ZNF420: variants seen among roughly 807,000 people sequenced by gnomAD.
ZNF420 encodes the protein ATM and p53-associated KZNF protein.
ZNF420 carries 31 observed loss-of-function variants against 44.7 expected under a neutral mutation model. The ratio of observed to expected loss-of-function variants is 0.69; its 90% CI spans 0.52 to 0.94. The LOEUF (loss-of-function observed/expected upper bound fraction) is 0.94, where lower values mean the gene tolerates loss of function less well. ZNF420 is among the 40% of genes least tolerant of loss of function. ZNF420 has a pLI of 0.00. For missense variants in ZNF420, 681 were observed against 827.9 expected (o/e 0.82, Z 2.18); for synonymous variants, 245 against 267.4 (o/e 0.92, Z 0.82).
intron 1 of ZNF420, among the ~76,000 whole-genome samples, chr19:37,051,180 C>A (rs1393898867): frequency 6.6e-6 from 1 of 152,074 alleles, no homozygotes; most frequent in African/African-American, 2.4e-5. Context: ...GTCTAAAATT[C>A]TCTTTTTTGT....
intron 1 of ZNF420, among the ~76,000 whole-genome samples, chr19:37,057,119 C>A (rs1299260303): frequency 1.3e-5 from 2 of 152,210 alleles, no homozygotes; most frequent in Non-Finnish European, 2.9e-5. Flanking sequence ...GGTGTCGGGG[C>A]TTTGAGGCTC....
At chr19:37,018,273 T>C (rs549919103) in intron 1 of ZNF420, among the ~76,000 whole-genome samples, 2 of 152,346 alleles carry the variant, frequency 1.3e-5, no homozygotes, top group South Asian at 4.1e-4. Flanking sequence ...TCTAATGACA[T>C]TTTTTGTATA....
intron 4 of ZNF420, among the ~76,000 whole-genome samples, chr19:37,096,394 C>CT (rs1969457513): frequency 6.6e-6 from 1 of 152,122 alleles, no homozygotes; most frequent in South Asian, 2.1e-4. Flanking sequence ...ATCCATAGCA[C>CT]TTTTTTTCTC....
intron 1 of ZNF420, among the ~76,000 whole-genome samples, chr19:37,009,090 C>T (rs958803490): frequency 5.3e-5 from 8 of 152,134 alleles, no homozygotes. Flanking sequence ...TCAAGAGAGG[C>T]GGTGTCACAT....
chr19:37,102,059 G>A (rs758656277), intron 4 of ZNF420, among the ~76,000 whole-genome samples: 2 of 152,098 alleles, frequency 1.3e-5, no homozygotes, highest in Non-Finnish European at 2.9e-5. Flanking sequence ...AGGCTTCCAT[G>A]CACAGATGGA....
At chr19:37,116,368 C>CAAAAAAAAAAAAAAAAAAAA (rs57611154) in intron 4 of ZNF420, among the ~76,000 whole-genome samples, 1 of 75,900 alleles carries the variant, frequency 1.3e-5, no homozygotes, top group Non-Finnish European at 2.9e-5. Flanking sequence ...GACTCCACCT[C>CAAAAAAAAAAAAAAAAAAAA]AAAAAAAAAA....
chr19:37,104,856 T>G (rs142358560), intron 4 of ZNF420, among the ~76,000 whole-genome samples: 63 of 152,354 alleles, frequency 4.1e-4, no homozygotes, highest in African/African-American at 1.5e-3. Flanking sequence ...TGGGGTTGTT[T>G]TCTTCTTATA....
At chr19:37,063,539 G>C (rs769246404) in intron 1 of ZNF420, among the ~76,000 whole-genome samples, 1 of 150,642 alleles carries the variant, frequency 6.6e-6, no homozygotes, top group Non-Finnish European at 1.5e-5. Context: ...CCCCTGCATA[G>C]ATCTCCCCCC....
intron 1 of ZNF420, among the ~76,000 whole-genome samples, chr19:37,014,478 C>T (rs1244541379): frequency 2.0e-5 from 3 of 152,162 alleles, no homozygotes; most frequent in East Asian, 1.9e-4. Context: ...CGGTCTGAAG[C>T]GCCTCCTCCT....
At chr19:37,007,975 C>G (rs1223198100) in exon 1 of ZNF420, 1 of 167,584 alleles carries the variant, frequency 6.0e-6, no homozygotes, top group Admixed American at 6.4e-5. Flanking sequence ...AGGACGTTCT[C>G]CGAATGCCAG....
intron 1 of ZNF420, among the ~76,000 whole-genome samples, chr19:37,017,089 T>G (rs918856654): frequency 6.6e-6 from 1 of 152,232 alleles, no homozygotes; most frequent in Admixed American, 6.5e-5. Flanking sequence ...ATCTGTTTCC[T>G]TTATTGTATA....
At chr19:37,070,595 G>T (rs1035153599) in intron 1 of ZNF420, among the ~76,000 whole-genome samples, 3 of 152,080 alleles carry the variant, frequency 2.0e-5, no homozygotes, top group African/African-American at 7.2e-5. Flanking sequence ...TTGAGCAAAG[G>T]GTTTCAGTAG....
At chr19:37,066,378 G>A (rs1013618187) in intron 1 of ZNF420, among the ~76,000 whole-genome samples, 10 of 151,876 alleles carry the variant, frequency 6.6e-5, no homozygotes, top group African/African-American at 2.2e-4. Context: ...GGGAGGCAGA[G>A]GTTGCAGTGA....
chr19:37,011,695 GC>G (rs1010281752), intron 1 of ZNF420, among the ~76,000 whole-genome samples: 6 of 152,178 alleles, frequency 3.9e-5, no homozygotes, highest in African/African-American at 1.4e-4. Flanking sequence ...GGTCACCTGT[GC>G]CCCCCTTCCA....
intron 1 of ZNF420, among the ~76,000 whole-genome samples, chr19:37,033,654 A>C (rs1457165129): frequency 2.0e-5 from 3 of 152,248 alleles, no homozygotes; most frequent in African/African-American, 7.2e-5. Flanking sequence ...TGCTATACAC[A>C]TGAATTTGCA....
At chr19:37,052,388 A>T (rs887308786) in intron 1 of ZNF420, among the ~76,000 whole-genome samples, 5 of 151,896 alleles carry the variant, frequency 3.3e-5, no homozygotes, top group Non-Finnish European at 7.4e-5. Flanking sequence ...TTATGGGTGA[A>T]TTTGATCCTG....
rs1968241202 is a variant in ZNF420, at chr19:37,078,560, C to T, written c.-135C>T. On this transcript the variant is annotated 5_prime_UTR_variant, in exon 1 of 5. Coordinates refer to ENST00000337995, the MANE Select transcript of ZNF420 (RefSeq NM_144689.5). The stretch of plus-strand genomic sequence containing the variant: ...GCCAGATCTTGGACCCTGAACTGCA[C>T]CTCTGTCAAGGTAGGAGTGTCCGGG... 6.6e-6 allele frequency: 1 copy of T among 152,304 alleles called. No individual in the cohort carries two copies. Among genetic ancestry groups the T allele is most frequent in the Non-Finnish European group, 1.5e-5 (1 of 68,088 alleles). 9.4% of individuals were successfully genotyped at this position (152,304 alleles called of 1,614,324 possible). A position where few individuals can be genotyped will look rare whatever the true frequency, so the allele number is the denominator to read the frequency against.
intron 2 of ZNF420, among the ~76,000 whole-genome samples, chr19:37,081,158 T>C (rs35301197): frequency 0.046 from 6,934 of 152,230 alleles, 221 homozygotes; most frequent in Non-Finnish European, 0.066. Flanking sequence ...TCTTGACTTA[T>C]AGGTTATTTT....
At chr19:37,118,607 T>C (rs1351405344) in intron 4 of ZNF420, among the ~76,000 whole-genome samples, 1 of 151,976 alleles carries the variant, frequency 6.6e-6, no homozygotes, top group African/African-American at 2.4e-5. Context: ...AGGATCAAAT[T>C]CACACATAAC....
Sources: allele counts gnomAD v4.1 joint callset (sites outside exome capture counted in the v4.1 genomes callset), GRCh38; gene constraint gnomAD v4.1.1; transcripts MANE v1.5; gene names NCBI Gene and HGNC (gene_info 2026-07-23, HGNC 2026-07-21).